PIEZO2: variants seen among roughly 807,000 people sequenced by gnomAD.
PIEZO2 encodes the protein piezo type mechanosensitive ion channel component 2.
A neutral mutation model predicts 337.3 loss-of-function variants in PIEZO2; 172 were observed. That is an observed-to-expected ratio of 0.51 (90% CI 0.45 to 0.58). The LOEUF (loss-of-function observed/expected upper bound fraction) is 0.58. Among genes scored for constraint, PIEZO2 ranks in the 20% least tolerant of loss-of-function variants. PIEZO2 has a pLI of 0.00. For missense variants in PIEZO2, 3,028 were observed against 3,391.3 expected (o/e 0.89, Z 2.66); for synonymous variants, 1,251 against 1,228.5 (o/e 1.02, Z -0.38).
intron 21 of PIEZO2, chr18:10,763,384 G>A (rs1163634347): frequency 6.9e-5 from 24 of 346,704 alleles, no homozygotes; most frequent in African/African-American, 1.7e-4. Flanking sequence ...CTGTGAGAGC[G>A]CCCAGAAGGG....
intron 7 of PIEZO2, among the ~76,000 whole-genome samples, chr18:10,840,774 G>T (rs888555778): frequency 8.5e-5 from 13 of 152,150 alleles, no homozygotes; most frequent in African/African-American, 3.1e-4. Context: ...TGTCACTGTG[G>T]CCAGATTCTT....
rs2036897943 is a variant in PIEZO2, at chr18:11,035,473, A to G, written c.160+30654T>C. The stretch of plus-strand genomic sequence containing the variant: ...TGCACAGCCTGCAGGACCATGAGTT[A>G]AATAAACCTGTTTCCTTTACATATC... On this transcript the variant is annotated intron_variant, in intron 2 of 55. Transcript: ENST00000674853. This position sits in a 1 kb window ranked among gnomAD's most constrained non-coding sequence, Gnocchi z 4.3. Among the ~76,000 whole-genome samples the G allele has an allele frequency of 6.6e-6, 1 of 152,174 alleles. No homozygotes were observed. The highest frequency in any genetic ancestry group is 6.5e-5 in the Admixed American group (1 of 15,274).
intron 36 of PIEZO2, chr18:10,725,279 T>C (rs894740758): frequency 1.0e-4 from 159 of 1,568,774 alleles, no homozygotes; most frequent in Non-Finnish European, 1.4e-4. Flanking sequence ...AAGTGCCAGA[T>C]ATGGTCCATT....
chr18:11,136,149 A>G (rs967180092), intron 1 of PIEZO2, among the ~76,000 whole-genome samples: 2 of 152,242 alleles, frequency 1.3e-5, no homozygotes, highest in African/African-American at 4.8e-5. Context: ...TAACGTTTGA[A>G]AACAGCTCAA....
chr18:10,928,750 T>C (rs2031907585), intron 3 of PIEZO2, among the ~76,000 whole-genome samples: 1 of 152,232 alleles, frequency 6.6e-6, no homozygotes, highest in Admixed American at 6.5e-5. Context: ...GAGAGATTTG[T>C]GGCCATCTTC....
intron 49 of PIEZO2, among the ~76,000 whole-genome samples, chr18:10,683,094 G>A (rs2034346325): frequency 6.6e-6 from 1 of 152,186 alleles, no homozygotes; most frequent in Admixed American, 6.5e-5. Context: ...ATCCTTTCAG[G>A]GTTACCCCTC....
In PIEZO2 at chr18:11,026,949, A is replaced by G. The variant is rs560880830; in HGVS notation, c.160+39178T>C. Among the ~76,000 whole-genome samples, 14 of 152,324 alleles carry G rather than the reference A, an allele frequency of 9.2e-5. No individual in the cohort carries two copies. The South Asian group carries it at 2.9e-3, about 32-fold the overall frequency. On this transcript the variant is annotated intron_variant, in intron 2 of 55. Coordinates refer to ENST00000674853, the MANE Select transcript of PIEZO2 (RefSeq NM_001378183.1). ...AGAAAAAGAAACAAATTAGCAATCT[A>G]TCACATCACTTGAACTAATGGGAGC...
chr18:11,104,502 G>A lies in PIEZO2; in HGVS notation c.65-38280C>T, dbSNP rs1004382331. 4.6e-5 allele frequency among the ~76,000 whole-genome samples: 7 copies of A among 152,162 alleles called. No homozygotes were observed. The highest frequency in any genetic ancestry group is 1.9e-4 in the East Asian group (1 of 5,176). On this transcript the variant is annotated intron_variant, in intron 1 of 55. Transcript: ENST00000674853. This position sits in a 1 kb window ranked among gnomAD's most constrained non-coding sequence, Gnocchi z 4.6. The stretch of plus-strand genomic sequence containing the variant: ...TTCTCTCTAGGGGTGGGGCAGGGAC[G>A]GCCTCCTGGGCAGGAGAGAAAGCTG...
At chr18:11,086,275 C>T (rs1233806277) in intron 1 of PIEZO2, among the ~76,000 whole-genome samples, 1 of 152,074 alleles carries the variant, frequency 6.6e-6, no homozygotes, top group East Asian at 1.9e-4. Flanking sequence ...AATCCCAGCA[C>T]TTTGGGAGGC....
At chr18:10,893,567 C>G (rs2042814137) in intron 4 of PIEZO2, 1 of 152,188 alleles carries the variant, frequency 6.6e-6, no homozygotes, top group African/African-American at 2.4e-5. Context: ...TCCATATGAA[C>G]AGTGAGCTTT....
At position 10,676,353 on chromosome 18, in the gene PIEZO2, G is replaced by T. The variant is rs2034000331; in HGVS notation, c.8082-1065C>A. 6.6e-6 allele frequency among the ~76,000 whole-genome samples: 1 copy of T among 152,174 alleles called. No individual in the cohort carries two copies. Among genetic ancestry groups the T allele is most frequent in the African/African-American group, 2.4e-5 (1 of 41,436 alleles). On this transcript the variant is annotated intron_variant, in intron 53 of 55. Transcript: ENST00000674853. This position sits in a 1 kb window ranked among gnomAD's most constrained non-coding sequence, Gnocchi z 5.1. ...GGGCAGTCTGGAGGACAAAACTGGG[G>T]CCATCACTGGTGGATGCCTGAACTA...
rs566762105 is a variant in PIEZO2 at position 10,960,935 on chromosome 18, T to C, written c.286+18600A>G. 1.2e-4 allele frequency among the ~76,000 whole-genome samples: 19 copies of C among 152,230 alleles called. No homozygotes were observed. In the Middle Eastern group the frequency reaches 0.014, roughly 109 times the overall value. ...GGCTCATGCCTGTAATCCCAGCACTTTGGGAGGCTGAGGCGGGCGGATCAT... is the reference window on the plus strand; with the variant it reads ...GGCTCATGCCTGTAATCCCAGCACTCTGGGAGGCTGAGGCGGGCGGATCAT... On this transcript the variant is annotated intron_variant, in intron 3 of 55. Coordinates refer to ENST00000674853, the MANE Select transcript of PIEZO2 (RefSeq NM_001378183.1).
At chr18:10,919,888 T>C (rs978488751) in intron 3 of PIEZO2, among the ~76,000 whole-genome samples, 3 of 152,142 alleles carry the variant, frequency 2.0e-5, no homozygotes, top group East Asian at 3.8e-4. Flanking sequence ...GTTGAGTTAC[T>C]AGTAAAAATC....
rs191399201 is a variant in PIEZO2, at chr18:11,077,630, G to T, written c.65-11408C>A. On this transcript the variant is annotated intron_variant, in intron 1 of 55. Transcript: ENST00000674853. The surrounding 1 kb of genome is among the most constrained non-coding windows in gnomAD (Gnocchi z 4.8). ...TTCGAGGCTGCAGTGAGCTGTGATCGCACCACTGCACTCCAGCCTGTTTCA... is the reference window on the plus strand; with the variant it reads ...TTCGAGGCTGCAGTGAGCTGTGATCTCACCACTGCACTCCAGCCTGTTTCA... Among the ~76,000 whole-genome samples the T allele has an allele frequency of 2.0e-5, 3 of 152,228 alleles. No individual in the cohort carries two copies. In the Middle Eastern group the frequency reaches 0.01, roughly 518 times the overall value.
At chr18:10,705,223 A>C in intron 41 of PIEZO2, 113 bp downstream of exon 41, 2 of 1,304,742 alleles carry the variant, frequency 1.5e-6, no homozygotes, top group Non-Finnish European at 2.0e-6. Context: ...GTTTGCTCTA[A>C]GTGTCCAGAT....
chr18:10,770,341 C>A (rs1281194788), intron 20 of PIEZO2, 33 bp from the exon 21 acceptor site: 1 of 1,494,754 alleles, frequency 6.7e-7, no homozygotes, highest in African/African-American at 1.4e-5. Flanking sequence ...AAGAGCATAA[C>A]ATTTTTAAAA....
chr18:10,986,200 G>C (rs1477591862), intron 2 of PIEZO2, among the ~76,000 whole-genome samples: 2 of 151,920 alleles, frequency 1.3e-5, no homozygotes, highest in Non-Finnish European at 2.9e-5. Flanking sequence ...CCTCCAAAAA[G>C]TTAAAGGGGA....
rs117468502 is a variant in PIEZO2 at position 11,037,206 on chromosome 18, C to T, written c.160+28921G>A. On this transcript the variant is annotated intron_variant, in intron 2 of 55. Coordinates refer to ENST00000674853, the MANE Select transcript of PIEZO2 (RefSeq NM_001378183.1). ...GAACTTTTTAAAGCATCCTTCGCCT[C>T]TAGCTTATAAAACAGAAAAGTACAG... 2.8e-3 allele frequency among the ~76,000 whole-genome samples: 433 copies of T among 152,276 alleles called. 11 individuals are homozygous for T. The East Asian group carries it at 0.059, about 21-fold the overall frequency.
At position 10,773,491 on chromosome 18, in the gene PIEZO2, A is replaced by T. The variant is rs1272389750; in HGVS notation, c.2706T>A (p.Gly902=). The stretch of plus-strand genomic sequence containing the variant: ...ACTCCTCGCTGTCTTTCCCAAGATC[A>T]CCCTTCTGGGCTTTTTCAGAGTAGC... The part of the protein sequence containing the change: ...LEGYSEKAQK[G]DLGKDSEESE... The change falls in exon 20 of 56, where the codon GGT becomes GGA. Residue 902 remains glycine (G), a synonymous_variant. Coordinates refer to ENST00000674853, the MANE Select transcript of PIEZO2 (RefSeq NM_001378183.1). The surrounding 1 kb of genome is among the most constrained non-coding windows in gnomAD (Gnocchi z 5.3). 6.5e-7 allele frequency: 1 copy of T among 1,537,040 alleles called. No individual in the cohort carries two copies. The highest frequency in any genetic ancestry group is 8.7e-7 in the Non-Finnish European group (1 of 1,146,884).
Sources: allele counts gnomAD v4.1 joint callset (sites outside exome capture counted in the v4.1 genomes callset), GRCh38; gene constraint gnomAD v4.1.1; non-coding constraint Gnocchi (gnomAD v3.1); transcripts MANE v1.5; gene names NCBI Gene and HGNC (gene_info 2026-07-23, HGNC 2026-07-21).